The following SLC44A1 variants were observed in gnomAD, a reference collection of about 807,000 sequenced individuals.
SLC44A1 encodes choline transporter-like protein 1.
In SLC44A1, 26 loss-of-function variants were observed where a neutral mutation model predicts 79.3. The observed-to-expected ratio is 0.33, with a 90% confidence interval of 0.24 to 0.46. SLC44A1 has a LOEUF of 0.46. SLC44A1 is among the 20% of genes least tolerant of loss of function. SLC44A1 has a pLI of 1.00. For synonymous variants in SLC44A1, 263 were observed against 286.2 expected, an observed-to-expected ratio of 0.92 and a Z score of 0.82; for missense variants, 688 against 798.1, an observed-to-expected ratio of 0.86 and a Z score of 1.66.
chr9:105,392,097 A>T lies in SLC44A1; in HGVS notation c.*3041A>T. On this transcript the variant is annotated 3_prime_UTR_variant, in exon 16 of 16. Transcript: ENST00000374720. ...TCTTCTATGAGAGGCTTACCAGTGC[A>T]TTAGTAATAAAACATTAGCAATTTA... is the stretch of plus-strand genomic sequence containing the variant. The T allele has an allele frequency of 1.0e-6, 1 of 985,406 alleles. No individual in the cohort carries two copies. The highest frequency in any genetic ancestry group is 1.2e-6 in the Non-Finnish European group (1 of 829,886). The allele number at this position is 985,406 out of a possible 1,614,324, so 61.0% of individuals were successfully genotyped here.
Position 105,244,675 on chromosome 9 carries a change from G to T in SLC44A1, c.-194G>T. 1 of 277,228 alleles carries T rather than the reference G, an allele frequency of 3.6e-6. No individual in the cohort carries two copies. 17.2% of individuals were successfully genotyped at this position (277,228 alleles called of 1,614,324 possible). A position where few individuals can be genotyped will look rare whatever the true frequency, so the allele number is the denominator to read the frequency against. ...GAGACGCGTAGCCGCCGTCGCCGCC[G>T]CCGGGGGATGTGGCCGGCGCCTGCC... is the stretch of plus-strand genomic sequence containing the variant. On this transcript the variant is annotated 5_prime_UTR_variant, in exon 1 of 16. Transcript: ENST00000374720.
intron 1 of SLC44A1, among the ~76,000 whole-genome samples, chr9:105,252,856 G>A (rs550868628): frequency 3.9e-5 from 6 of 152,282 alleles, no homozygotes; most frequent in African/African-American, 7.2e-5. Flanking sequence ...ATATAGCATA[G>A]CATAATGTTC....
At chr9:105,261,370 A>G (rs969985219) in intron 1 of SLC44A1, among the ~76,000 whole-genome samples, 1 of 152,164 alleles carries the variant, frequency 6.6e-6, no homozygotes, top group African/African-American at 2.4e-5. Flanking sequence ...CCCACAGAGC[A>G]TAATGAAAGC....
At position 105,362,956 on chromosome 9, in the gene SLC44A1, G is replaced by T; in HGVS notation, c.1036G>T (p.Val346Phe). The T allele has an allele frequency of 6.2e-7, 1 of 1,613,564 alleles. No individual in the cohort carries two copies. The highest frequency in any genetic ancestry group is 8.5e-7 in the Non-Finnish European group (1 of 1,179,822). The change falls in exon 9 of 16, where the codon GTC (valine) becomes TTC (phenylalanine). Residue 346 changes from valine (V) to phenylalanine (F), a missense_variant. By Grantham distance (50) the Val-to-Phe change is conservative. Transcript: ENST00000374720. Reference protein sequence around the residue: ...FQPFWTFFALVLFWVYWIMTL... With the variant: ...FQPFWTFFALFLFWVYWIMTL... ...ACCCTTCTGGACTTTCTTTGCTCTT[G>T]TCTTGTTTTGGGTGTACTGGATCAT...
chr9:105,251,172 T>C (rs761499099), intron 1 of SLC44A1, among the ~76,000 whole-genome samples: 7 of 152,206 alleles, frequency 4.6e-5, no homozygotes, highest in Non-Finnish European at 1.0e-4. Flanking sequence ...AAACTCAGCA[T>C]GTTTAAATCT....
chr9:105,292,321 A>G (rs1489011386), intron 1 of SLC44A1, among the ~76,000 whole-genome samples: 1 of 152,228 alleles, frequency 6.6e-6, no homozygotes, highest in African/African-American at 2.4e-5. Context: ...CTTAGTAAAT[A>G]TAACCCTACA....
chr9:105,387,357 G>A (rs1246087475), intron 15 of SLC44A1, among the ~76,000 whole-genome samples: 4 of 151,982 alleles, frequency 2.6e-5, no homozygotes. Flanking sequence ...TTTTAAGTTT[G>A]CATCACCTAG....
chr9:105,251,822 A>G (rs528179372), intron 1 of SLC44A1, among the ~76,000 whole-genome samples: 149 of 152,300 alleles, frequency 9.8e-4, no homozygotes, highest in South Asian at 4.4e-3. Context: ...GATCCCTTCA[A>G]ACTAGGCCAT....
chr9:105,265,991 T>A (rs1021283017), intron 1 of SLC44A1, among the ~76,000 whole-genome samples: 3 of 152,146 alleles, frequency 2.0e-5, no homozygotes, highest in Middle Eastern at 3.2e-3. Flanking sequence ...ATGGTCTAAC[T>A]CTGTCACCCA....
rs563181417 is a variant in SLC44A1 at position 105,428,761 on chromosome 9, G to A, written c.1951-9520G>A. Among the ~76,000 whole-genome samples the A allele has an allele frequency of 6.0e-4, 91 of 152,246 alleles. 1 individual carries two copies. The highest frequency in any genetic ancestry group is 7.2e-4 in the Non-Finnish European group (49 of 68,028). ...ATTGCGCAGGCTGGAGGGCAGTGGCGCAATCTCGGCGCCCTACAGCCTCCG... is the reference window on the plus strand; with the variant it reads ...ATTGCGCAGGCTGGAGGGCAGTGGCACAATCTCGGCGCCCTACAGCCTCCG... On this transcript the variant is annotated intron_variant, in intron 15 of 15. Transcript: ENST00000374724.
intron 1 of SLC44A1, among the ~76,000 whole-genome samples, chr9:105,260,543 G>T (rs1829815387): frequency 6.6e-6 from 1 of 152,136 alleles, no homozygotes; most frequent in Non-Finnish European, 1.5e-5. Flanking sequence ...CAAACTTCAT[G>T]TTCTTCTTTA....
At chr9:105,362,733 G>A (rs1827817885) in intron 8 of SLC44A1, 88 bp from the exon 9 acceptor site, 1 of 928,260 alleles carries the variant, frequency 1.1e-6, no homozygotes, top group Non-Finnish European at 1.6e-6. Flanking sequence ...CAGGTTTGGG[G>A]CTGAAGGGTT....
intron 15 of SLC44A1, among the ~76,000 whole-genome samples, chr9:105,387,058 A>ACATATATATATATAT (rs1305803865): frequency 4.7e-4 from 4 of 8,560 alleles, no homozygotes; most frequent in African/African-American, 1.7e-3. Flanking sequence ...AAAAAAAAAA[A>ACATATATATATATAT]AAATATATAT....
chr9:105,431,267 A>G (rs1478456166), intron 15 of SLC44A1, among the ~76,000 whole-genome samples: 1 of 152,238 alleles, frequency 6.6e-6, no homozygotes, highest in Admixed American at 6.5e-5. Flanking sequence ...TGTATGATAT[A>G]TTTGTAGATG....
rs546353967 is a variant in SLC44A1, at chr9:105,356,800, A to G, written c.670+419A>G. Among the ~76,000 whole-genome samples, 210 of 152,284 alleles carry G rather than the reference A, an allele frequency of 1.4e-3. 2 individuals are homozygous for G. Among genetic ancestry groups the G allele is most frequent in the Non-Finnish European group, 1.3e-3 (86 of 67,992 alleles). On this transcript the variant is annotated intron_variant, in intron 6 of 15. Transcript: ENST00000374720. ...ATTTCTGATAGATTACTTTTGAAGT[A>G]TGTAATTTTTTTTTCATTGCTACAG... is the stretch of plus-strand genomic sequence containing the variant.
chr9:105,428,540 A>C (rs1050738318), intron 15 of SLC44A1, among the ~76,000 whole-genome samples: 49 of 152,238 alleles, frequency 3.2e-4, no homozygotes, highest in Admixed American at 2.8e-3. Context: ...TACTTAGCCC[A>C]TCTAATTCTC....
rs546701621 is a variant in SLC44A1 at position 105,378,482 on chromosome 9, T to C, written c.1632+3747T>C. 9.8e-5 allele frequency among the ~76,000 whole-genome samples: 15 copies of C among 152,322 alleles called. No individual in the cohort carries two copies. In the South Asian group the frequency reaches 2.9e-3, roughly 29 times the overall value. On this transcript the variant is annotated intron_variant, in intron 13 of 15. Coordinates refer to ENST00000374720, the MANE Select transcript of SLC44A1 (RefSeq NM_080546.5). ...TGTGTGTAAATCTTGCCCACATCAATCTTTATTTCCTGAGACCAGAATCCT... is the reference window on the plus strand; with the variant it reads ...TGTGTGTAAATCTTGCCCACATCAACCTTTATTTCCTGAGACCAGAATCCT...
chr9:105,321,814 TA>T lies in SLC44A1; in HGVS notation c.269+11960del, dbSNP rs748787290. 6.3e-3 allele frequency among the ~76,000 whole-genome samples: 909 copies of T among 143,716 alleles called. 5 individuals carry two copies. Among genetic ancestry groups the T allele is most frequent in the African/African-American group, 0.017 (651 of 38,420 alleles). The allele number at this position is 143,716 out of a possible 152,430, so 94.3% of individuals were successfully genotyped here. On this transcript the variant is annotated intron_variant, in intron 3 of 15. Transcript: ENST00000374720. ...ATACAGAGAGTTATAGTATTTTAATTAAAAAAAAAAAACAAGAGAGATATAA... is the reference window on the plus strand; with the variant it reads ...ATACAGAGAGTTATAGTATTTTAATTAAAAAAAAAAACAAGAGAGATATAA...
chr9:105,358,351 C>T lies in SLC44A1; in HGVS notation c.678C>T (p.Ser226=). ...TCTCTATCTTCCCTGCAGTTCTATC[C>T]ATGATTTTGATGGTGATAATCAGGT... ...LGLCLLSLVL[S]MILMVIIRYI... is the part of the protein sequence containing the mutation. The change falls in exon 7 of 16, where the codon TCC becomes TCT. Residue 226 remains serine, a synonymous_variant. Coordinates refer to ENST00000374720, the MANE Select transcript of SLC44A1 (RefSeq NM_080546.5). 1.3e-6 allele frequency: 2 copies of T among 1,545,590 alleles called. No individual in the cohort carries two copies. Among genetic ancestry groups the T allele is most frequent in the Non-Finnish European group, 1.8e-6 (2 of 1,118,704 alleles).
Sources: allele counts gnomAD v4.1 joint callset (sites outside exome capture counted in the v4.1 genomes callset), GRCh38; gene constraint gnomAD v4.1.1; transcripts MANE v1.5; gene names NCBI Gene and HGNC (gene_info 2026-07-23, HGNC 2026-07-21).